ZGPAT: variants seen among roughly 807,000 people sequenced by gnomAD.
ZGPAT encodes zinc finger CCCH-type and G-patch domain containing.
In ZGPAT, 39 loss-of-function variants were observed where a neutral mutation model predicts 47.9. The observed-to-expected ratio is 0.81, with a 90% CI of 0.63 to 1.06. The LOEUF is 1.06. Among genes scored for constraint, ZGPAT ranks in the 50% least tolerant of loss-of-function variants. The pLI is 0.00. For missense variants in ZGPAT, 717 were observed against 681.4 expected (o/e 1.05, Z -0.58); for synonymous variants, 348 against 292.9 (o/e 1.19, Z -1.92).
Position 63,708,054 on chromosome 20 carries a change from G to A in ZGPAT, c.-93G>A, listed in dbSNP as rs2091584329. On this transcript the variant is annotated 5_prime_UTR_variant, in exon 1 of 7. Coordinates refer to ENST00000355969, the MANE Select transcript of ZGPAT (RefSeq NM_181485.3). ...CGCGCCAAGCACTTCCGGAAGCGGC[G>A]GCGCTCGGGAGGAAGTGCCGATCGG... 6.6e-6 allele frequency: 1 copy of A among 152,130 alleles called. No individual in the cohort carries two copies. Among genetic ancestry groups the A allele is most frequent in the Non-Finnish European group, 1.5e-5 (1 of 68,018 alleles). The allele number at this position is 152,130 out of a possible 1,614,324, so 9.4% of individuals were successfully genotyped here.
At chr20:63,725,064 G>A (rs952459662) in intron 2 of ZGPAT, among the ~76,000 whole-genome samples, 3 of 147,302 alleles carry the variant, frequency 2.0e-5, no homozygotes, top group Admixed American at 6.9e-5. Context: ...GGCTCACTGC[G>A]AGCTCCGCCT....
chr20:63,732,488 TGTGTGTGGGTGAGGGCAC>T (rs1458092106), intron 2 of ZGPAT, among the ~76,000 whole-genome samples: 20 of 149,456 alleles, frequency 1.3e-4, no homozygotes, highest in Non-Finnish European at 2.2e-4. Context: ...TGAGGGCGTA[TGTGTGTGGGTGAGGGCAC>T]GTGTGCGCGC....
intron 2 of ZGPAT, among the ~76,000 whole-genome samples, chr20:63,725,036 G>T (rs1282767980): frequency 2.0e-5 from 3 of 147,946 alleles, no homozygotes; most frequent in Non-Finnish European, 4.4e-5. Flanking sequence ...CCAGGCTGGA[G>T]TGCAGTGGCA....
chr20:63,708,737 A>G lies in ZGPAT; in HGVS notation c.157A>G (p.Ser53Gly), dbSNP rs2091608484. Residue 53 changes from serine to glycine, a missense_variant, in exon 2 of 7, where the codon AGC (serine) becomes GGC (glycine). Physicochemically the swap from Ser to Gly is moderately conservative, Grantham distance 56. Transcript: ENST00000355969. ...GGAGCTCATCGAGCTCACCGAGGCC[A>G]GCCTGGTGTCTGTCAGGAAGAGCAG... ...LKELIELTEA[S>G]LVSVRKSSLL... 1.2e-6 allele frequency: 2 copies of G among 1,612,654 alleles called. No individual in the cohort carries two copies. Among genetic ancestry groups the G allele is most frequent in the Middle Eastern group, 1.6e-4 (1 of 6,062 alleles).
chr20:63,714,971 T>A (rs2145646908), intron 2 of ZGPAT, among the ~76,000 whole-genome samples: 1 of 152,230 alleles, frequency 6.6e-6, no homozygotes, highest in Non-Finnish European at 1.5e-5. Flanking sequence ...AATGCTTTTT[T>A]CCTTTAGATG....
intron 2 of ZGPAT, among the ~76,000 whole-genome samples, chr20:63,732,681 CATGTGTGT>C (rs2091927228): frequency 1.6e-5 from 1 of 62,090 alleles, no homozygotes; most frequent in Non-Finnish European, 3.0e-5. Context: ...TGCCTGTGTG[CATGTGTGT>C]ATGCATGTGT....
upstream of ZGPAT, chr20:63,708,034 C>T (rs1039345470): frequency 6.6e-6 from 1 of 152,154 alleles, no homozygotes; most frequent in African/African-American, 2.4e-5. Context: ...CCCCGCGCGC[C>T]AAGCACTTCC....
At chr20:63,731,326 G>C (rs185904447) in intron 2 of ZGPAT, among the ~76,000 whole-genome samples, 1 of 76,188 alleles carries the variant, frequency 1.3e-5, no homozygotes, top group Non-Finnish European at 2.4e-5. Context: ...GCATACATGT[G>C]TAAAGTGTAC....
chr20:63,711,953 T>G (rs1454343680), intron 2 of ZGPAT, among the ~76,000 whole-genome samples: 1 of 152,190 alleles, frequency 6.6e-6, no homozygotes. Context: ...TTTGCTCCCA[T>G]TGTTTGGGTT....
intron 2 of ZGPAT, among the ~76,000 whole-genome samples, chr20:63,718,016 C>T (rs2091748313): frequency 6.6e-6 from 1 of 151,994 alleles, no homozygotes; most frequent in South Asian, 2.1e-4. Context: ...GCACTCCAGC[C>T]TGGGTAACAA....
chr20:63,720,275 C>G (rs372232051), intron 2 of ZGPAT, among the ~76,000 whole-genome samples: 2 of 152,132 alleles, frequency 1.3e-5, no homozygotes, highest in East Asian at 1.9e-4. Context: ...CCTGCTTCAG[C>G]CTCCTGAGTA....
chr20:63,735,524 A>G lies in ZGPAT; in HGVS notation c.1357A>G (p.Ile453Val), dbSNP rs1486639481. The change falls in exon 6 of 7, where the codon ATC becomes GTC. Residue 453 changes from isoleucine to valine, a missense_variant. Ile to Val is a conservative substitution (Grantham distance 29). Transcript: ENST00000355969. ...GAAGATCGAGCGAACCCAGCGGGAC[A>G]TCAGGAGCATCCAGGAGGCTCTCGC... ...EEKIERTQRD[I>V]RSIQEALARN... The G allele has an allele frequency of 6.6e-7, 1 of 1,522,734 alleles. No homozygotes were observed. The highest frequency in any genetic ancestry group is 1.4e-5 in the African/African-American group (1 of 71,926). 94.3% of individuals were successfully genotyped at this position (1,522,734 alleles called of 1,614,324 possible). A position where few individuals can be genotyped will look rare whatever the true frequency, so the allele number is the denominator to read the frequency against.
At chr20:63,713,907 A>C (rs980736981) in intron 2 of ZGPAT, among the ~76,000 whole-genome samples, 2 of 150,438 alleles carry the variant, frequency 1.3e-5, no homozygotes, top group African/African-American at 2.4e-5. Context: ...GGATTTTTTT[A>C]TGTTAATCCT....
chr20:63,734,930 C>T, intron 5 of ZGPAT, 106 bp downstream of exon 5: 1 of 1,416,906 alleles, frequency 7.1e-7, no homozygotes, highest in African/African-American at 1.5e-5. Context: ...TCCCAGGGTC[C>T]CGCAGCCACA....
intron 2 of ZGPAT, among the ~76,000 whole-genome samples, chr20:63,722,702 G>A (rs965458511): frequency 6.6e-6 from 1 of 151,122 alleles, no homozygotes; most frequent in African/African-American, 2.4e-5. Flanking sequence ...GTGTGATCTC[G>A]GCTCACTGCA....
chr20:63,731,612 G>GGT (rs541927822), intron 2 of ZGPAT, among the ~76,000 whole-genome samples: 1 of 146,144 alleles, frequency 6.8e-6, no homozygotes, highest in African/African-American at 2.6e-5. Flanking sequence ...GTTGGCCCTT[G>GGT]GTGTGTGTGT....
chr20:63,711,895 T>C (rs2091672740), intron 2 of ZGPAT, among the ~76,000 whole-genome samples: 1 of 152,214 alleles, frequency 6.6e-6, no homozygotes. Flanking sequence ...CAGGATTTCT[T>C]TATATATTCT....
intron 2 of ZGPAT, among the ~76,000 whole-genome samples, chr20:63,724,611 T>C (rs1278674141): frequency 1.3e-5 from 2 of 152,072 alleles, no homozygotes; most frequent in Non-Finnish European, 2.9e-5. Context: ...CCTTTTTCTT[T>C]CCTGTGAATT....
intron 2 of ZGPAT, among the ~76,000 whole-genome samples, chr20:63,722,807 T>G (rs2091802054): frequency 6.6e-6 from 1 of 152,060 alleles, no homozygotes; most frequent in African/African-American, 2.4e-5. Context: ...AATTTTGTAT[T>G]TTTAGTAGAG....
Sources: allele counts gnomAD v4.1 joint callset (sites outside exome capture counted in the v4.1 genomes callset), GRCh38; gene constraint gnomAD v4.1.1; transcripts MANE v1.5; gene names NCBI Gene and HGNC (gene_info 2026-07-23, HGNC 2026-07-21).